Variants in FLOT2 observed in about 807,000 individuals in gnomAD.
FLOT2 encodes flotillin-2.
FLOT2 carries 35 observed loss-of-function variants against 54.9 expected under a neutral mutation model. The observed-to-expected ratio is 0.64, with a 90% CI of 0.49 to 0.84. The LOEUF is 0.84. FLOT2 is among the 40% of genes least tolerant of loss of function. The pLI, the probability that FLOT2 is intolerant of heterozygous loss-of-function variation, is 0.00. For missense variants in FLOT2, 464 were observed against 572.1 expected (o/e 0.81, Z 1.93); for synonymous variants, 207 against 228.9 (o/e 0.90, Z 0.86).
intron 2 of FLOT2, among the ~76,000 whole-genome samples, chr17:28,888,670 G>A (rs1454374891): frequency 2.0e-5 from 3 of 152,158 alleles, no homozygotes; most frequent in Non-Finnish European, 4.4e-5. Context: ...AATTCTCTGG[G>A]ACAGAAGTAA....
intron 1 of FLOT2, among the ~76,000 whole-genome samples, chr17:28,890,390 C>CT (rs55640637): frequency 0.7 from 102,141 of 145,160 alleles, 36,723 homozygotes; most frequent in South Asian, 0.8. Flanking sequence ...CCTGAGATTT[C>CT]TTTTTTTTTT....
Position 28,882,095 on chromosome 17 carries a change from C to T in FLOT2, c.699+23G>A. On this transcript the variant is annotated intron_variant, in intron 7 of 10. Coordinates refer to ENST00000394908, the MANE Select transcript of FLOT2 (RefSeq NM_004475.3). This position sits in a 1 kb window ranked among gnomAD's most constrained non-coding sequence, Gnocchi z 5.6. ...AAGTCCTGATCCCTGAGCCCCATCC[C>T]AGGATGTCCTCAGGCTGCTCACCTT... The T allele has an allele frequency of 6.2e-7, 1 of 1,613,842 alleles. No individual in the cohort carries two copies. The highest frequency in any genetic ancestry group is 8.5e-7 in the Non-Finnish European group (1 of 1,179,744).
intron 1 of FLOT2, among the ~76,000 whole-genome samples, chr17:28,896,306 G>A (rs1228679100): frequency 2.6e-5 from 4 of 152,178 alleles, no homozygotes; most frequent in South Asian, 2.1e-4. Context: ...GCTTCCTGAA[G>A]GAAATTCCAC....
chr17:28,881,858 G>T lies in FLOT2; in HGVS notation c.870C>A (p.Ala290=). 1 of 1,613,524 alleles carries T rather than the reference G, an allele frequency of 6.2e-7. No homozygotes were observed. The highest frequency in any genetic ancestry group is 1.1e-5 in the South Asian group (1 of 91,078). Residue 290 remains alanine, a synonymous_variant, in exon 8 of 11, where the codon GCC becomes GCA. Transcript: ENST00000394908. ...GCTGGATGCGGTGGGCCTCGGCCTCGGCAGGCCGGCGCACTGTAGCGATGA... is the reference window on the plus strand; with the variant it reads ...GCTGGATGCGGTGGGCCTCGGCCTCTGCAGGCCGGCGCACTGTAGCGATGA... The part of the protein sequence containing the change: ...KELIATVRRP[A]EAEAHRIQQI...
chr17:28,888,725 C>G (rs2039590974), intron 2 of FLOT2, among the ~76,000 whole-genome samples: 1 of 152,154 alleles, frequency 6.6e-6, no homozygotes, highest in Non-Finnish European at 1.5e-5. Flanking sequence ...GGAGGGGGTG[C>G]CCATGACAGA....
At chr17:28,885,589 G>T in intron 2 of FLOT2, 2 of 717,490 alleles carry the variant, frequency 2.8e-6, no homozygotes, top group East Asian at 2.7e-5. Flanking sequence ...GGTAACGAAG[G>T]CCTGGCATCC....
In FLOT2 at chr17:28,883,804, C is replaced by T. The variant is rs1258443090; in HGVS notation, c.222+421G>A. On this transcript the variant is annotated intron_variant, in intron 3 of 10. Transcript: ENST00000394908. This position sits in a 1 kb window ranked among gnomAD's most constrained non-coding sequence, Gnocchi z 5.0. ...TAGGCCCTCAGCAGGGGATATGATGCAGCCTCCGACTCCCAGAGTCCAGAG... is the reference window on the plus strand; with the variant it reads ...TAGGCCCTCAGCAGGGGATATGATGTAGCCTCCGACTCCCAGAGTCCAGAG... Among the ~76,000 whole-genome samples the T allele has an allele frequency of 6.6e-6, 1 of 152,170 alleles. No individual in the cohort carries two copies. Among genetic ancestry groups the T allele is most frequent in the African/African-American group, 2.4e-5 (1 of 41,434 alleles).
At chr17:28,881,090 T>C in intron 9 of FLOT2, 102 bp downstream of exon 9, 1 of 1,157,454 alleles carries the variant, frequency 8.6e-7, no homozygotes, top group Non-Finnish European at 1.2e-6. Flanking sequence ...TCTAGCCATC[T>C]GTCCCTGTGT....
Position 28,880,230 on chromosome 17 carries a change from C to G in FLOT2, c.*331G>C, listed in dbSNP as rs11547605. 464 of 1,184,532 alleles carry G rather than the reference C, an allele frequency of 3.9e-4. 5 individuals are homozygous for G. The South Asian group carries it at 7.0e-3, about 18-fold the overall frequency. 73.4% of individuals were successfully genotyped at this position (1,184,532 alleles called of 1,614,324 possible). A position where few individuals can be genotyped will look rare whatever the true frequency, so the allele number is the denominator to read the frequency against. ...TCTGAGGAGCAGCAGGGCCACCCCC[C>G]ACAGAGAGTGATTGTAATAAACATC... On this transcript the variant is annotated 3_prime_UTR_variant, in exon 11 of 11. Transcript: ENST00000394908.
In FLOT2 at chr17:28,882,262, G is replaced by T. The variant is rs2039465998; in HGVS notation, c.580-25C>A. 2 of 1,614,012 alleles carry T rather than the reference G, an allele frequency of 1.2e-6. No homozygotes were observed. The highest frequency in any genetic ancestry group is 1.7e-5 in the Admixed American group (1 of 60,002). ...CCTGGGGACAAAAGGGGCAGAAGGGGAAGGTGAGTGAGTAGAGGTCCTGAG... is the reference window on the plus strand; with the variant it reads ...CCTGGGGACAAAAGGGGCAGAAGGGTAAGGTGAGTGAGTAGAGGTCCTGAG... On this transcript the variant is annotated intron_variant, in intron 6 of 10. Transcript: ENST00000394908. The surrounding 1 kb of genome is among the most constrained non-coding windows in gnomAD (Gnocchi z 5.6).
chr17:28,886,197 G>A (rs1008307508), intron 2 of FLOT2, among the ~76,000 whole-genome samples: 6 of 152,216 alleles, frequency 3.9e-5, no homozygotes, highest in African/African-American at 1.4e-4. Context: ...GTGAGGACCT[G>A]CTAGGCTGGG....
chr17:28,883,044 G>A lies in FLOT2; in HGVS notation c.346+64C>T, dbSNP rs1033005643. The A allele has an allele frequency of 3.2e-6, 5 of 1,580,048 alleles. No homozygotes were observed. The highest frequency in any genetic ancestry group is 4.3e-6 in the Non-Finnish European group (5 of 1,153,002). On this transcript the variant is annotated intron_variant, in intron 4 of 10. Transcript: ENST00000394908. The surrounding 1 kb of genome is among the most constrained non-coding windows in gnomAD (Gnocchi z 5.0). ...TGAAACAGGCCCCCTGCCCAGCCCTGCACACCTCCCTGCCTTGGCTTAGGG... is the reference window on the plus strand; with the variant it reads ...TGAAACAGGCCCCCTGCCCAGCCCTACACACCTCCCTGCCTTGGCTTAGGG...
intron 1 of FLOT2, among the ~76,000 whole-genome samples, chr17:28,891,119 G>A (rs2039643902): frequency 6.6e-6 from 1 of 152,112 alleles, no homozygotes; most frequent in Non-Finnish European, 1.5e-5. Flanking sequence ...GGGCTCAAGC[G>A]ATCCACATGC....
In FLOT2 at chr17:28,897,430, G is replaced by A. The variant is rs558749160; in HGVS notation, c.49+96C>T. ...CGGGGGCCAGCGCCCTGCGCCGCGC[G>A]GTGGACTCAGGCCCAGCTCTTCCCC... On this transcript the variant is annotated intron_variant, in intron 1 of 10. Transcript: ENST00000394908. The surrounding 1 kb of genome is among the most constrained non-coding windows in gnomAD (Gnocchi z 4.4). The A allele has an allele frequency of 7.4e-6, 9 of 1,221,340 alleles. No individual in the cohort carries two copies. The highest frequency in any genetic ancestry group is 2.1e-4 in the Middle Eastern group (1 of 4,770). 75.7% of individuals were successfully genotyped at this position (1,221,340 alleles called of 1,614,324 possible).
At chr17:28,895,934 G>A (rs1457711060) in intron 1 of FLOT2, among the ~76,000 whole-genome samples, 1 of 152,156 alleles carries the variant, frequency 6.6e-6, no homozygotes, top group Admixed American at 6.5e-5. Flanking sequence ...AAGGCAGACA[G>A]GTGGGGGCAG....
Position 28,889,047 on chromosome 17 carries a change from C to CCGCAAGTCAGT in FLOT2, c.50-32_50-22dup, listed in dbSNP as rs762440196. On this transcript the variant is annotated intron_variant, in intron 1 of 10. Coordinates refer to ENST00000394908, the MANE Select transcript of FLOT2 (RefSeq NM_004475.3). Reference sequence around the variant, plus strand: ...GCCCCCTGGGGAGCAAAGCAAACCACCGCAAGTCAGTCGGTTCTTGGGTCT... The same window carrying CCGCAAGTCAGT: ...GCCCCCTGGGGAGCAAAGCAAACCACCGCAAGTCAGTCGCAAGTCAGTCGGTTCTTGGGTCT... The CCGCAAGTCAGT allele has an allele frequency of 3.1e-6, 5 of 1,610,606 alleles. No individual in the cohort carries two copies. The African/African-American group carries it at 6.7e-5, about 22-fold the overall frequency.
chr17:28,883,276 A>C lies in FLOT2; in HGVS notation c.223-45T>G, dbSNP rs1158134380. The C allele has an allele frequency of 3.7e-6, 6 of 1,611,314 alleles. No homozygotes were observed. On this transcript the variant is annotated intron_variant, in intron 3 of 10. Transcript: ENST00000394908. The surrounding 1 kb of genome is among the most constrained non-coding windows in gnomAD (Gnocchi z 5.0). The stretch of plus-strand genomic sequence containing the variant: ...CGCTTCAGCTAGGCTGGAGCGAGGC[A>C]GACAAAGGCCCCAGACCCAGAGGTA...
intron 1 of FLOT2, among the ~76,000 whole-genome samples, chr17:28,891,604 A>T (rs1276001766): frequency 6.6e-6 from 1 of 152,252 alleles, no homozygotes; most frequent in Non-Finnish European, 1.5e-5. Context: ...TATGCTGTGC[A>T]GTACAGCAGC....
Position 28,882,943 on chromosome 17 carries a change from C to T in FLOT2, c.346+165G>A. The T allele has an allele frequency of 1.4e-6, 1 of 727,554 alleles. No homozygotes were observed. Among genetic ancestry groups the T allele is most frequent in the Non-Finnish European group, 2.2e-6 (1 of 448,234 alleles). 45.1% of individuals were successfully genotyped at this position (727,554 alleles called of 1,614,324 possible). A position where few individuals can be genotyped will look rare whatever the true frequency, so the allele number is the denominator to read the frequency against. On this transcript the variant is annotated intron_variant, in intron 4 of 10. Transcript: ENST00000394908. This position sits in a 1 kb window ranked among gnomAD's most constrained non-coding sequence, Gnocchi z 5.6. ...CCCCCATCCCACCCCTTCACTCATA[C>T]CCTCTCCTTAACTCAAGTCACCTGA...
Sources: gnomAD v4.1 joint callset for allele counts (sites outside exome capture counted in the v4.1 genomes callset) on GRCh38, gnomAD v4.1.1 for gene constraint, Gnocchi (gnomAD v3.1) non-coding constraint, MANE v1.5 for transcripts, NCBI Gene and HGNC (gene_info 2026-07-23, HGNC 2026-07-21) for gene names.